Variants in TMEM266 observed in about 807,000 individuals in gnomAD.
TMEM266 encodes the protein Hv1 related protein 1.
TMEM266 carries 33 observed loss-of-function variants against 50.5 expected under a neutral mutation model. That is an observed-to-expected ratio of 0.65 (90% CI 0.50 to 0.87). TMEM266 has a LOEUF of 0.87. Among genes scored for constraint, TMEM266 ranks in the 40% least tolerant of loss-of-function variants. The pLI, the probability that TMEM266 is intolerant of heterozygous loss-of-function variation, is 0.00. For missense variants in TMEM266, 655 were observed against 695.1 expected (o/e 0.94, Z 0.65); for synonymous variants, 310 against 292.3 (o/e 1.06, Z -0.62).
chr15:76,115,995 G>A (rs1224558366), intron 1 of TMEM266, among the ~76,000 whole-genome samples: 1 of 152,050 alleles, frequency 6.6e-6, no homozygotes, highest in East Asian at 1.9e-4. Context: ...TGGCTTTCTC[G>A]CTCCCCTGCC....
chr15:76,133,828 C>G (rs945371315), intron 1 of TMEM266, among the ~76,000 whole-genome samples: 1 of 152,174 alleles, frequency 6.6e-6, no homozygotes, highest in African/African-American at 2.4e-5. Context: ...TGAAGCCTCT[C>G]AAAGCTGCAG....
At chr15:76,071,633 A>G (rs1567140317) in intron 1 of TMEM266, among the ~76,000 whole-genome samples, 1 of 152,170 alleles carries the variant, frequency 6.6e-6, no homozygotes, top group Non-Finnish European at 1.5e-5. Flanking sequence ...GACACTTGCA[A>G]CCCAGAGAAT....
At chr15:76,164,815 C>G (rs2957041) in intron 5 of TMEM266, among the ~76,000 whole-genome samples, 14,199 of 152,222 alleles carry the variant, frequency 0.093, 785 homozygotes, top group Non-Finnish European at 0.13. Flanking sequence ...GGGCTTGGGG[C>G]TAGACACGGC....
chr15:76,181,784 C>T (rs1170399538), intron 8 of TMEM266, among the ~76,000 whole-genome samples: 1 of 152,204 alleles, frequency 6.6e-6, no homozygotes, highest in African/African-American at 2.4e-5. Flanking sequence ...TCTTCTGACT[C>T]ATCTCACGAA....
chr15:76,096,178 T>C (rs1017889692), intron 1 of TMEM266, among the ~76,000 whole-genome samples: 17 of 152,096 alleles, frequency 1.1e-4, no homozygotes, highest in African/African-American at 4.1e-4. Flanking sequence ...CTGTTGCTTC[T>C]CTAGTTCTTT....
Position 76,175,630 on chromosome 15 carries a change from G to A in TMEM266, c.724G>A (p.Asp242Asn), listed in dbSNP as rs942023218. Reference sequence around the variant, plus strand: ...GTACGAGAAGGCCAAGGTCATCCAAGACGAGCAGCTGGAGAGGCTGACGCA... The same window carrying A: ...GTACGAGAAGGCCAAGGTCATCCAAAACGAGCAGCTGGAGAGGCTGACGCA... The change falls in exon 8 of 11, where the codon GAC (aspartate) becomes AAC (asparagine). Residue 242 changes from aspartate (D) to asparagine (N), a missense_variant. This residue lies in a region of TMEM266 where 455 missense variants were observed against 401.8 expected (regional missense o/e 1.13). Transcript: ENST00000388942. 6.2e-7 allele frequency: 1 copy of A among 1,614,220 alleles called. No homozygotes were observed. The highest frequency in any genetic ancestry group is 8.5e-7 in the Non-Finnish European group (1 of 1,180,018).
At chr15:76,129,205 G>T (rs2037467531) in intron 1 of TMEM266, among the ~76,000 whole-genome samples, 1 of 152,104 alleles carries the variant, frequency 6.6e-6, no homozygotes, top group South Asian at 2.1e-4. Flanking sequence ...TAAAAAGAGG[G>T]ACAAGAAGAC....
At chr15:76,202,569 A>T (rs140539802) in intron 10 of TMEM266, among the ~76,000 whole-genome samples, 1 of 152,118 alleles carries the variant, frequency 6.6e-6, no homozygotes, top group African/African-American at 2.4e-5. Flanking sequence ...AAGTGACCTC[A>T]GTGCCCACCT....
chr15:76,185,530 C>G (rs992093740), intron 8 of TMEM266, among the ~76,000 whole-genome samples: 4 of 152,182 alleles, frequency 2.6e-5, no homozygotes, highest in African/African-American at 9.7e-5. Flanking sequence ...GTCTGTCTTT[C>G]TCCCCTATTT....
intron 1 of TMEM266, among the ~76,000 whole-genome samples, chr15:76,065,785 C>A (rs938764870): frequency 6.6e-6 from 1 of 152,070 alleles, no homozygotes; most frequent in Non-Finnish European, 1.5e-5. Context: ...AACCCAAATG[C>A]CTCCCTCTAG....
chr15:76,125,846 TAAAA>T (rs34379905), intron 1 of TMEM266, among the ~76,000 whole-genome samples: 4 of 116,432 alleles, frequency 3.4e-5, no homozygotes, highest in Admixed American at 9.0e-5. Flanking sequence ...AGACTCCATG[TAAAA>T]AAAAAAAAAA....
chr15:76,108,335 C>T lies in TMEM266; in HGVS notation c.-96-25833C>T, dbSNP rs547734748. On this transcript the variant is annotated intron_variant, in intron 1 of 10. Coordinates refer to ENST00000388942, the MANE Select transcript of TMEM266 (RefSeq NM_152335.3). ...CAGTCAGCAGCCTTCCAGGGAACTC[C>T]CAGCAGTCTCCTCCAGACAGGGTCA... Among the ~76,000 whole-genome samples, 11 of 152,346 alleles carry T rather than the reference C, an allele frequency of 7.2e-5. No individual in the cohort carries two copies. The East Asian group carries it at 2.1e-3, about 29-fold the overall frequency.
At chr15:76,150,522 C>T (rs1309846133) in intron 3 of TMEM266, among the ~76,000 whole-genome samples, 1 of 152,206 alleles carries the variant, frequency 6.6e-6, no homozygotes, top group Non-Finnish European at 1.5e-5. Context: ...TCCACGGTCC[C>T]CCTGCTCTAG....
chr15:76,121,208 T>C (rs1316188390), intron 1 of TMEM266, among the ~76,000 whole-genome samples: 1 of 152,132 alleles, frequency 6.6e-6, no homozygotes, highest in Admixed American at 6.6e-5. Context: ...AAGATTAAGG[T>C]GGAAGCTGCA....
At chr15:76,074,150 T>C (rs1318553194) in intron 1 of TMEM266, among the ~76,000 whole-genome samples, 2 of 152,166 alleles carry the variant, frequency 1.3e-5, no homozygotes, top group Non-Finnish European at 2.9e-5. Flanking sequence ...AAAAAAGTCA[T>C]CTATAATCCT....
intron 1 of TMEM266, among the ~76,000 whole-genome samples, chr15:76,128,412 A>G (rs1164414848): frequency 1.3e-5 from 2 of 152,354 alleles, no homozygotes; most frequent in Non-Finnish European, 2.9e-5. Flanking sequence ...ATGGGTAAAT[A>G]CATAGACTCA....
At chr15:76,093,108 G>A (rs1160200774) in intron 1 of TMEM266, among the ~76,000 whole-genome samples, 1 of 151,446 alleles carries the variant, frequency 6.6e-6, no homozygotes, top group African/African-American at 2.4e-5. Flanking sequence ...GCCCAGCCAG[G>A]TGCTATTTTT....
At chr15:76,068,486 A>AT (rs1470726776) in intron 1 of TMEM266, among the ~76,000 whole-genome samples, 1 of 152,214 alleles carries the variant, frequency 6.6e-6, no homozygotes, top group Non-Finnish European at 1.5e-5. Flanking sequence ...CCTCCAAAAA[A>AT]TATATGTATA....
At position 76,130,796 on chromosome 15, in the gene TMEM266, T is replaced by A. The variant is rs2037499188; in HGVS notation, c.-96-3372T>A. ...ATACAATTCTCTACAATTGTATATATTTGAAATTTTCCTTCCTAAAAAGTT... is the reference window on the plus strand; with the variant it reads ...ATACAATTCTCTACAATTGTATATAATTGAAATTTTCCTTCCTAAAAAGTT... On this transcript the variant is annotated intron_variant, in intron 1 of 10. Coordinates refer to ENST00000388942, the MANE Select transcript of TMEM266 (RefSeq NM_152335.3). Among the ~76,000 whole-genome samples, 5 of 152,270 alleles carry A rather than the reference T, an allele frequency of 3.3e-5. No homozygotes were observed. The South Asian group carries it at 1.0e-3, about 32-fold the overall frequency.
Sources: allele counts gnomAD v4.1 joint callset (sites outside exome capture counted in the v4.1 genomes callset), GRCh38; gene constraint gnomAD v4.1.1; regional missense constraint gnomAD v4.1.1; transcripts MANE v1.5; gene names NCBI Gene and HGNC (gene_info 2026-07-23, HGNC 2026-07-21).